The following HS3ST4 variants were observed in gnomAD, a reference collection of about 807,000 sequenced individuals.
The protein encoded by HS3ST4 is heparan sulfate glucosamine 3-O-sulfotransferase 4.
A neutral mutation model predicts 29.2 loss-of-function variants in HS3ST4; 17 were observed. The observed-to-expected ratio is 0.58, with a 90% CI of 0.40 to 0.87. HS3ST4 has a LOEUF of 0.87. Ranked by LOEUF, HS3ST4 falls within the 40% of genes least tolerant of loss-of-function variation. The probability of loss-of-function intolerance (pLI) is 0.00; values close to 1 mark genes in which losing one functional copy is unlikely to be tolerated. For missense variants in HS3ST4, 627 were observed against 634.5 expected (o/e 0.99, Z 0.13); for synonymous variants, 314 against 285.7 (o/e 1.10, Z -1.00).
chr16:25,990,480 G>A (rs1969105151), intron 1 of HS3ST4, among the ~76,000 whole-genome samples: 1 of 152,228 alleles, frequency 6.6e-6, no homozygotes, highest in Admixed American at 6.5e-5. Context: ...AGATGTTTCG[G>A]CTCAGGGAGC....
intron 1 of HS3ST4, among the ~76,000 whole-genome samples, chr16:26,057,067 G>C (rs1430742798): frequency 2.0e-5 from 3 of 152,150 alleles, no homozygotes; most frequent in Non-Finnish European, 4.4e-5. Flanking sequence ...CTCAAAGGAA[G>C]TGCTCATTAG....
At chr16:25,700,666 G>A (rs12448948) in intron 1 of HS3ST4, among the ~76,000 whole-genome samples, 8,108 of 152,230 alleles carry the variant, frequency 0.053, 272 homozygotes, top group Middle Eastern at 0.099. Context: ...TCTCTGGAAT[G>A]GATTGAACCA....
chr16:25,692,641 C>A lies in HS3ST4; in HGVS notation c.224C>A (p.Pro75His). ...LQESPGAAAE[P>H]PPSPPPPSLL... Reference sequence around the variant, plus strand: ...GAGTCGCCGGGCGCCGCCGCCGAGCCCCCGCCGAGCCCGCCGCCACCCTCT... The same window carrying A: ...GAGTCGCCGGGCGCCGCCGCCGAGCACCCGCCGAGCCCGCCGCCACCCTCT... The change falls in exon 1 of 2, where the codon CCC becomes CAC. Residue 75 changes from proline (P) to histidine (H), a missense_variant. This residue lies in a region of HS3ST4 where 402 missense variants were observed against 340.8 expected (regional missense o/e 1.18). Transcript: ENST00000331351. The A allele has an allele frequency of 7.3e-7, 1 of 1,362,512 alleles. No individual in the cohort carries two copies. Among genetic ancestry groups the A allele is most frequent in the Non-Finnish European group, 9.5e-7 (1 of 1,048,388 alleles). 84.4% of individuals were successfully genotyped at this position (1,362,512 alleles called of 1,614,324 possible). A position where few individuals can be genotyped will look rare whatever the true frequency, so the allele number is the denominator to read the frequency against.
intron 1 of HS3ST4, among the ~76,000 whole-genome samples, chr16:25,891,588 T>A (rs930005063): frequency 6.6e-6 from 1 of 152,110 alleles, no homozygotes; most frequent in African/African-American, 2.4e-5. Flanking sequence ...AACACAGAAA[T>A]GGATGGCATT....
chr16:25,882,538 T>A (rs1187619871), intron 1 of HS3ST4, among the ~76,000 whole-genome samples: 2 of 152,146 alleles, frequency 1.3e-5, no homozygotes, highest in Non-Finnish European at 2.9e-5. Context: ...ATTGCAACTG[T>A]ATAATGAAGG....
intron 1 of HS3ST4, among the ~76,000 whole-genome samples, chr16:25,830,212 G>T (rs1351351185): frequency 6.6e-6 from 1 of 152,216 alleles, no homozygotes; most frequent in Non-Finnish European, 1.5e-5. Flanking sequence ...CTGGAAGATA[G>T]TAGACAATAA....
At chr16:25,708,409 T>G (rs1966390741) in intron 1 of HS3ST4, among the ~76,000 whole-genome samples, 1 of 152,226 alleles carries the variant, frequency 6.6e-6, no homozygotes, top group Non-Finnish European at 1.5e-5. Flanking sequence ...GTGTATTTGT[T>G]TTTTCTCTTC....
At chr16:26,119,853 G>C (rs1024585819) in intron 1 of HS3ST4, among the ~76,000 whole-genome samples, 3 of 152,246 alleles carry the variant, frequency 2.0e-5, no homozygotes, top group South Asian at 4.2e-4. Context: ...GAGACAGGTG[G>C]ACTCTACGCA....
chr16:25,941,255 TC>T (rs1968569083), intron 1 of HS3ST4, among the ~76,000 whole-genome samples: 2 of 152,240 alleles, frequency 1.3e-5, no homozygotes, highest in Admixed American at 6.5e-5. Flanking sequence ...AACCTTTGCC[TC>T]CCAGGTTCAA....
At chr16:25,913,167 G>A (rs1968257164) in intron 1 of HS3ST4, among the ~76,000 whole-genome samples, 1 of 152,218 alleles carries the variant, frequency 6.6e-6, no homozygotes, top group Non-Finnish European at 1.5e-5. Context: ...GCCTGATTCT[G>A]CTCTTCTGAT....
At chr16:26,134,681 A>C (rs1251165253) in intron 1 of HS3ST4, among the ~76,000 whole-genome samples, 5 of 152,142 alleles carry the variant, frequency 3.3e-5, no homozygotes, top group African/African-American at 1.2e-4. Flanking sequence ...AGGCTCGAAG[A>C]TATAATTCAA....
chr16:25,786,684 C>T (rs1481437152), intron 1 of HS3ST4, among the ~76,000 whole-genome samples: 5 of 152,124 alleles, frequency 3.3e-5, no homozygotes, highest in African/African-American at 1.2e-4. Context: ...AAACAGTAGC[C>T]TTTGAATGCA....
At chr16:25,939,635 G>A (rs1225103311) in intron 1 of HS3ST4, among the ~76,000 whole-genome samples, 4 of 152,058 alleles carry the variant, frequency 2.6e-5, no homozygotes, top group African/African-American at 9.7e-5. Context: ...CACCGTACCC[G>A]GCCATTATTT....
At chr16:26,067,685 G>C (rs896413098) in intron 1 of HS3ST4, among the ~76,000 whole-genome samples, 1 of 152,154 alleles carries the variant, frequency 6.6e-6, no homozygotes, top group Non-Finnish European at 1.5e-5. Context: ...CAACATCCCT[G>C]ATATGGTTTG....
intron 1 of HS3ST4, among the ~76,000 whole-genome samples, chr16:25,907,438 G>C (rs1303109436): frequency 1.3e-5 from 2 of 152,100 alleles, no homozygotes; most frequent in African/African-American, 4.8e-5. Flanking sequence ...CCTTGATCAT[G>C]ACATTCCAGC....
At position 25,841,864 on chromosome 16, in the gene HS3ST4, A is replaced by G. The variant is rs180723060; in HGVS notation, c.734+148713A>G. 1.1e-3 allele frequency among the ~76,000 whole-genome samples: 175 copies of G among 152,306 alleles called. 2 individuals carry two copies. The highest frequency in any genetic ancestry group is 4.0e-4 in the Non-Finnish European group (27 of 68,022). Reference sequence around the variant, plus strand: ...GGTCTTAAACCCAGAGCTGTAATGAACAGTATGGGATTATCCATAGATAAG... The same window carrying G: ...GGTCTTAAACCCAGAGCTGTAATGAGCAGTATGGGATTATCCATAGATAAG... On this transcript the variant is annotated intron_variant, in intron 1 of 1. Transcript: ENST00000331351.
intron 1 of HS3ST4, among the ~76,000 whole-genome samples, chr16:25,889,708 A>G (rs924629772): frequency 6.6e-6 from 1 of 152,160 alleles, no homozygotes; most frequent in Non-Finnish European, 1.5e-5. Context: ...ATTGTGTGCT[A>G]CACTCCCTGC....
intron 1 of HS3ST4, among the ~76,000 whole-genome samples, chr16:25,940,540 C>A (rs1968562615): frequency 6.6e-6 from 1 of 152,190 alleles, no homozygotes. Flanking sequence ...TTCGTTCCAG[C>A]TATGCTGAGA....
chr16:26,099,636 A>G (rs1898968831), intron 1 of HS3ST4, among the ~76,000 whole-genome samples: 1 of 152,208 alleles, frequency 6.6e-6, no homozygotes, highest in Non-Finnish European at 1.5e-5. Flanking sequence ...ATTTGTTCAC[A>G]TTCATTTATT....
Sources: allele counts gnomAD v4.1 joint callset (sites outside exome capture counted in the v4.1 genomes callset), GRCh38; gene constraint gnomAD v4.1.1; regional missense constraint gnomAD v4.1.1; transcripts MANE v1.5; gene names NCBI Gene and HGNC (gene_info 2026-07-23, HGNC 2026-07-21).